Variants in RNGTT observed in about 807,000 individuals in gnomAD.
RNGTT encodes the protein mRNA-capping enzyme.
A neutral mutation model predicts 79.3 loss-of-function variants in RNGTT; 33 were observed. The ratio of observed to expected loss-of-function variants is 0.42; its 90% CI spans 0.32 to 0.56. The LOEUF (loss-of-function observed/expected upper bound fraction) is 0.56. Among genes scored for constraint, RNGTT ranks in the 20% least tolerant of loss-of-function variants. RNGTT has a pLI of 0.17. For missense variants in RNGTT, 497 were observed against 739.1 expected, an observed-to-expected ratio of 0.67 and a Z score of 3.80; for synonymous variants, 222 against 235.9, an observed-to-expected ratio of 0.94 and a Z score of 0.54.
chr6:88,831,148 C>G (rs1035974454), intron 11 of RNGTT, among the ~76,000 whole-genome samples: 1 of 152,084 alleles, frequency 6.6e-6, no homozygotes, highest in Non-Finnish European at 1.5e-5. Flanking sequence ...AAGAGAATTT[C>G]AGGGCCAATA....
Position 88,811,273 on chromosome 6 carries a change from G to C in RNGTT, c.1270-9641C>G, listed in dbSNP as rs548055025. Reference sequence around the variant, plus strand: ...TAATTGGATGAAAAGTAAAACAGTAGACATTATATATCAATTTTTAATAAA... The same window carrying C: ...TAATTGGATGAAAAGTAAAACAGTACACATTATATATCAATTTTTAATAAA... On this transcript the variant is annotated intron_variant, in intron 11 of 15. Coordinates refer to ENST00000369485, the MANE Select transcript of RNGTT (RefSeq NM_003800.5). Among the ~76,000 whole-genome samples the C allele has an allele frequency of 3.9e-5, 6 of 152,198 alleles. No homozygotes were observed. In the East Asian group the frequency reaches 9.6e-4, roughly 24 times the overall value.
intron 10 of RNGTT, 148 bp from the exon 11 acceptor site, chr6:88,844,669 CA>C: frequency 3.2e-6 from 2 of 628,816 alleles, no homozygotes; most frequent in South Asian, 4.8e-5. Flanking sequence ...ACATATATAC[CA>C]ACCCTAATAA....
chr6:88,860,972 T>C (rs1229562239), intron 8 of RNGTT, among the ~76,000 whole-genome samples: 1 of 152,142 alleles, frequency 6.6e-6, no homozygotes, highest in Non-Finnish European at 1.5e-5. Context: ...GGTTACATAA[T>C]ACTAGCCCTT....
At chr6:88,613,979 G>A (rs550856424) in intron 15 of RNGTT, among the ~76,000 whole-genome samples, 18 of 152,320 alleles carry the variant, frequency 1.2e-4, no homozygotes, top group African/African-American at 4.3e-4. Flanking sequence ...AAATTATCAT[G>A]GTTTCTGTTG....
At chr6:88,679,087 A>G (rs2756406) in intron 13 of RNGTT, among the ~76,000 whole-genome samples, 40,210 of 151,914 alleles carry the variant, frequency 0.26, 9,294 homozygotes, top group African/African-American at 0.63. Context: ...AAGGATGAAG[A>G]CCTGTATGAT....
At chr6:88,890,653 G>C (rs1295177971) in intron 7 of RNGTT, 57 bp from the exon 8 acceptor site, 1 of 1,103,638 alleles carries the variant, frequency 9.1e-7, no homozygotes, top group Admixed American at 2.1e-5. Context: ...AGCAATACAT[G>C]TCTTAAACCA....
At chr6:88,862,591 G>C (rs1277283810) in intron 8 of RNGTT, among the ~76,000 whole-genome samples, 3 of 152,148 alleles carry the variant, frequency 2.0e-5, no homozygotes, top group Non-Finnish European at 4.4e-5. Flanking sequence ...ATCCAAAGAG[G>C]GGGTTGTGAG....
chr6:88,879,120 G>T (rs1186683100), intron 8 of RNGTT, among the ~76,000 whole-genome samples: 1 of 152,212 alleles, frequency 6.6e-6, no homozygotes, highest in Non-Finnish European at 1.5e-5. Flanking sequence ...TTAGAGACCA[G>T]GCGCGGTGGC....
chr6:88,879,330 G>A (rs1267661844), intron 8 of RNGTT, among the ~76,000 whole-genome samples: 1 of 152,162 alleles, frequency 6.6e-6, no homozygotes, highest in Non-Finnish European at 1.5e-5. Context: ...GGAGGCAGAG[G>A]TTGCAGTGAG....
intron 12 of RNGTT, among the ~76,000 whole-genome samples, chr6:88,796,909 A>T (rs1448056955): frequency 2.0e-5 from 3 of 152,178 alleles, no homozygotes; most frequent in African/African-American, 4.8e-5. Flanking sequence ...CTAAGAGTAG[A>T]TCTAAAACTT....
intron 4 of RNGTT, among the ~76,000 whole-genome samples, chr6:88,923,974 C>T (rs768788975): frequency 1.1e-3 from 163 of 152,270 alleles, no homozygotes; most frequent in Non-Finnish European, 1.5e-3. Context: ...CCCTGGCAGC[C>T]CCAGGGAGAG....
chr6:88,736,965 G>C (rs999188365), intron 13 of RNGTT, among the ~76,000 whole-genome samples: 4 of 152,170 alleles, frequency 2.6e-5, no homozygotes, highest in East Asian at 1.9e-4. Context: ...AACAAGCTAG[G>C]TTATTGCTAC....
intron 11 of RNGTT, among the ~76,000 whole-genome samples, chr6:88,817,748 C>CTTTTTTTTTTTTTTTTTTTTTT (rs1227582021): frequency 1.0e-5 from 1 of 99,996 alleles, no homozygotes; most frequent in African/African-American, 3.4e-5. Flanking sequence ...CTATTCACAT[C>CTTTTTTTTTTTTTTTTTTTTTT]ATTTTTTTTT....
intron 4 of RNGTT, among the ~76,000 whole-genome samples, chr6:88,920,730 T>G (rs116121719): frequency 3.9e-5 from 6 of 152,224 alleles, no homozygotes; most frequent in Admixed American, 3.3e-4. Flanking sequence ...TTAGATGTCA[T>G]GATTTTAGAA....
At chr6:88,738,669 A>T (rs1384769737) in intron 13 of RNGTT, among the ~76,000 whole-genome samples, 2 of 152,090 alleles carry the variant, frequency 1.3e-5, no homozygotes, top group Admixed American at 6.6e-5. Flanking sequence ...ATAAATAATA[A>T]CATACCAATA....
chr6:88,820,613 T>C (rs1168770430), intron 11 of RNGTT, among the ~76,000 whole-genome samples: 1 of 152,192 alleles, frequency 6.6e-6, no homozygotes, highest in Non-Finnish European at 1.5e-5. Flanking sequence ...CTCAATCACT[T>C]TCCCACATAC....
chr6:88,644,036 C>A (rs1448860475), intron 14 of RNGTT, among the ~76,000 whole-genome samples: 1 of 151,914 alleles, frequency 6.6e-6, no homozygotes, highest in Non-Finnish European at 1.5e-5. Flanking sequence ...GACAAAAAAC[C>A]CTTCAAAAAA....
chr6:88,859,910 C>T (rs1781955540), intron 8 of RNGTT, among the ~76,000 whole-genome samples: 1 of 152,088 alleles, frequency 6.6e-6, no homozygotes, highest in South Asian at 2.1e-4. Flanking sequence ...GTCCCAGCCC[C>T]TAACACAGAA....
chr6:88,908,064 T>G (rs1783713724), intron 4 of RNGTT, among the ~76,000 whole-genome samples: 1 of 152,138 alleles, frequency 6.6e-6, no homozygotes, highest in African/African-American at 2.4e-5. Flanking sequence ...TTCTACAAAT[T>G]ATTCTTCTCT....
Sources: allele counts gnomAD v4.1 joint callset (sites outside exome capture counted in the v4.1 genomes callset), GRCh38; gene constraint gnomAD v4.1.1; transcripts MANE v1.5; gene names NCBI Gene and HGNC (gene_info 2026-07-23, HGNC 2026-07-21).